The following ALDH1A1 variants were observed in gnomAD, a reference collection of about 807,000 sequenced individuals.
ALDH1A1 encodes the protein aldehyde dehydrogenase 1 family member A1.
In ALDH1A1, 19 loss-of-function variants were observed where a neutral mutation model predicts 62.1. The ratio of observed to expected loss-of-function variants is 0.31; its 90% CI spans 0.21 to 0.45. The LOEUF is 0.45. Among genes scored for constraint, ALDH1A1 ranks in the 20% least tolerant of loss-of-function variants. The pLI is 1.00. For synonymous variants in ALDH1A1, 231 were observed against 215.9 expected (o/e 1.07, Z -0.61); for missense variants, 521 against 607.1 (o/e 0.86, Z 1.49).
intron 1 of ALDH1A1, among the ~76,000 whole-genome samples, chr9:72,941,221 C>T (rs890477361): frequency 6.6e-6 from 1 of 152,002 alleles, no homozygotes; most frequent in African/African-American, 2.4e-5. Context: ...TTCAGACATC[C>T]CTTCTTACTG....
chr9:72,923,386 C>A (rs8187939), intron 7 of ALDH1A1, among the ~76,000 whole-genome samples: 1 of 152,116 alleles, frequency 6.6e-6, no homozygotes, highest in African/African-American at 2.4e-5. Flanking sequence ...AGTATGCTTC[C>A]ACCACTTTCT....
At chr9:72,942,651 TG>T (rs1231679501) in intron 1 of ALDH1A1, among the ~76,000 whole-genome samples, 1 of 152,156 alleles carries the variant, frequency 6.6e-6, no homozygotes, top group Non-Finnish European at 1.5e-5. Flanking sequence ...TGCTCCAACA[TG>T]CTTTTCCAGT....
chr9:72,923,878 G>A, intron 7 of ALDH1A1, 141 bp downstream of exon 7: 2 of 560,176 alleles, frequency 3.6e-6, no homozygotes, highest in South Asian at 5.0e-5. Flanking sequence ...CTATCCATAT[G>A]TTTGAAGGCT....
Position 72,937,051 on chromosome 9 carries a change from G to A in ALDH1A1, c.171+3097C>T, listed in dbSNP as rs565834695. Among the ~76,000 whole-genome samples, 19 of 152,236 alleles carry A rather than the reference G, an allele frequency of 1.2e-4. No individual in the cohort carries two copies. In the South Asian group the frequency reaches 3.9e-3, roughly 32 times the overall value. On this transcript the variant is annotated intron_variant, in intron 2 of 12. Transcript: ENST00000297785. ...TTTAACAAGCCTTCCTGGACATTCT[G>A]AGACAGGCTAAATTTTGAGAATGTC...
At chr9:72,921,356 A>G (rs1830140489) in intron 7 of ALDH1A1, among the ~76,000 whole-genome samples, 2 of 152,050 alleles carry the variant, frequency 1.3e-5, no homozygotes, top group African/African-American at 4.8e-5. Context: ...CATGACATTT[A>G]TCAAGTTCCT....
intron 2 of ALDH1A1, among the ~76,000 whole-genome samples, chr9:72,938,836 G>A (rs1386202480): frequency 2.6e-5 from 4 of 151,758 alleles, no homozygotes; most frequent in Non-Finnish European, 4.4e-5. Flanking sequence ...TCTGACCCCC[G>A]GGTTCAAGCA....
At chr9:72,910,133 A>G (rs1249344945) in intron 10 of ALDH1A1, among the ~76,000 whole-genome samples, 1 of 152,226 alleles carries the variant, frequency 6.6e-6, no homozygotes. Flanking sequence ...GTCACTACAC[A>G]TAGTAACAAG....
At chr9:72,941,454 A>G (rs1830412768) in intron 1 of ALDH1A1, among the ~76,000 whole-genome samples, 2 of 152,150 alleles carry the variant, frequency 1.3e-5, no homozygotes, top group Non-Finnish European at 2.9e-5. Flanking sequence ...TCTGTGATTT[A>G]TTATTTAGAC....
chr9:72,917,375 T>A (rs983865175), intron 8 of ALDH1A1, among the ~76,000 whole-genome samples: 5 of 152,066 alleles, frequency 3.3e-5, no homozygotes, highest in Non-Finnish European at 7.4e-5. Flanking sequence ...GATTTGATCA[T>A]GAGACCAAAT....
chr9:72,924,984 T>C (rs1283055632), intron 6 of ALDH1A1, among the ~76,000 whole-genome samples: 1 of 152,184 alleles, frequency 6.6e-6, no homozygotes, highest in Non-Finnish European at 1.5e-5. Context: ...GAACTCATAA[T>C]AGAAAACTGA....
chr9:72,924,707 A>C (rs1248111734), intron 6 of ALDH1A1, among the ~76,000 whole-genome samples: 1 of 152,222 alleles, frequency 6.6e-6, no homozygotes, highest in Non-Finnish European at 1.5e-5. Flanking sequence ...AGTTGGGCAC[A>C]TTACAATTTC....
At chr9:72,918,050 C>T (rs2118512223) in intron 8 of ALDH1A1, among the ~76,000 whole-genome samples, 1 of 152,246 alleles carries the variant, frequency 6.6e-6, no homozygotes, top group Admixed American at 6.5e-5. Flanking sequence ...GTATTTACAG[C>T]CTCTAACAGA....
chr9:72,913,438 T>C (rs1830016636), intron 9 of ALDH1A1, among the ~76,000 whole-genome samples: 1 of 152,174 alleles, frequency 6.6e-6, no homozygotes, highest in African/African-American at 2.4e-5. Flanking sequence ...TGGGGTGAGA[T>C]AAATTCTGCC....
At chr9:72,912,877 G>A (rs988393183) in intron 9 of ALDH1A1, among the ~76,000 whole-genome samples, 1 of 152,182 alleles carries the variant, frequency 6.6e-6, no homozygotes, top group Admixed American at 6.6e-5. Context: ...CCAGGAACAC[G>A]TACCTCTTCA....
chr9:72,932,765 A>G (rs1830298830), intron 2 of ALDH1A1, among the ~76,000 whole-genome samples: 1 of 152,248 alleles, frequency 6.6e-6, no homozygotes, highest in Non-Finnish European at 1.5e-5. Flanking sequence ...TGAAAAAAAG[A>G]AAAAGCAAAC....
chr9:72,909,519 A>T (rs1174708649), intron 11 of ALDH1A1, 83 bp downstream of exon 11: 1 of 1,323,048 alleles, frequency 7.6e-7, no homozygotes, highest in Non-Finnish European at 1.0e-6. Context: ...CCAAATGAAA[A>T]ATCCAAGTCT....
At chr9:72,923,059 C>G (rs151332372) in intron 7 of ALDH1A1, among the ~76,000 whole-genome samples, 124 of 152,312 alleles carry the variant, frequency 8.1e-4, no homozygotes, top group African/African-American at 2.8e-3. Flanking sequence ...GCTCACCACA[C>G]TATCTGGAAT....
chr9:72,940,878 A>T (rs1830407050), intron 1 of ALDH1A1, among the ~76,000 whole-genome samples: 1 of 152,218 alleles, frequency 6.6e-6, no homozygotes, highest in African/African-American at 2.4e-5. Context: ...TGAGAAATAG[A>T]CATGCAACTA....
Position 72,928,917 on chromosome 9 carries a change from C to G in ALDH1A1, c.417G>C (p.Lys139Asn), listed in dbSNP as rs778523641. ...TLRYCAGWADKIQGRTIPIDG... is the reference protein window; with the variant it reads ...TLRYCAGWADNIQGRTIPIDG... ...CAATTGGTATTGTACGGCCCTGGATCTTGTCAGCCCAACCTGCACAGTAGC... is the reference window on the plus strand; with the variant it reads ...CAATTGGTATTGTACGGCCCTGGATGTTGTCAGCCCAACCTGCACAGTAGC... The change falls in exon 4 of 13, where the codon AAG (lysine) becomes AAC (asparagine). Residue 139 changes from lysine (K) to asparagine (N), a missense_variant. By Grantham distance (94) the Lys-to-Asn change is moderately conservative (BLOSUM62 0). Transcript: ENST00000297785. 1.9e-6 allele frequency: 3 copies of G among 1,613,922 alleles called. No individual in the cohort carries two copies. The highest frequency in any genetic ancestry group is 2.5e-6 in the Non-Finnish European group (3 of 1,179,890).
Sources: allele counts gnomAD v4.1 joint callset (sites outside exome capture counted in the v4.1 genomes callset), GRCh38; gene constraint gnomAD v4.1.1; transcripts MANE v1.5; gene names NCBI Gene and HGNC (gene_info 2026-07-23, HGNC 2026-07-21).